Variants in ZNG1F observed in about 807,000 individuals in gnomAD.
ZNG1F encodes the protein zinc-regulated GTPase metalloprotein activator 1F.
At chr9:41,146,253 T>C in the ZNG1F span, among the ~76,000 whole-genome samples, 1 of 133,288 alleles carries the variant, frequency 7.5e-6, no homozygotes, top group African/African-American at 2.9e-5. Context: ...ATTAAATAGC[T>C]ACTTCAAGTG....
chr9:41,154,926 T>C, the ZNG1F span, among the ~76,000 whole-genome samples: 47 of 149,516 alleles, frequency 3.1e-4, no homozygotes, highest in African/African-American at 1.1e-3. Flanking sequence ...GGCATTACCA[T>C]TCAGGACATA....
At chr9:41,149,705 G>T in the ZNG1F span, among the ~76,000 whole-genome samples, 3 of 151,224 alleles carry the variant, frequency 2.0e-5, no homozygotes, top group Admixed American at 6.6e-5. Context: ...TATTCAAGGG[G>T]TATAAAGCTT....
At chr9:41,157,086 G>A in the ZNG1F span, 1 of 112,052 alleles carries the variant, frequency 8.9e-6, no homozygotes, top group East Asian at 2.6e-4. Context: ...ATCACAATTA[G>A]CATTAGGTTT....
chr9:41,193,760 T>C, the ZNG1F span, among the ~76,000 whole-genome samples: 1 of 151,902 alleles, frequency 6.6e-6, no homozygotes, highest in Middle Eastern at 3.4e-3. Context: ...ATTAGCTGGG[T>C]GTGGTGGCAC....
chr9:41,193,515 T>G, the ZNG1F span, among the ~76,000 whole-genome samples: 1 of 149,846 alleles, frequency 6.7e-6, no homozygotes, highest in East Asian at 2.0e-4. Flanking sequence ...TTTCTTCTCC[T>G]GAAGACAGAA....
chr9:41,156,151 G>T, the ZNG1F span, among the ~76,000 whole-genome samples: 1 of 132,508 alleles, frequency 7.5e-6, no homozygotes, highest in African/African-American at 3.1e-5. Flanking sequence ...TTAACGATTA[G>T]CCTCTAAAAT....
the ZNG1F span, among the ~76,000 whole-genome samples, chr9:41,144,589 C>A: frequency 1.4e-5 from 2 of 147,602 alleles, 1 homozygote; most frequent in Admixed American, 1.4e-4. Flanking sequence ...CCTATTACAA[C>A]CAACAGCAAT....
At chr9:41,199,900 A>C in the ZNG1F span, among the ~76,000 whole-genome samples, 4 of 147,480 alleles carry the variant, frequency 2.7e-5, no homozygotes, top group Non-Finnish European at 6.0e-5. Context: ...GGCTCCTTTC[A>C]TTCATGGCTG....
At chr9:41,155,251 A>G in the ZNG1F span, among the ~76,000 whole-genome samples, 1 of 150,684 alleles carries the variant, frequency 6.6e-6, no homozygotes, top group African/African-American at 2.4e-5. Context: ...AACACATGAA[A>G]AAATGCTCAC....
At chr9:41,132,298 G>A in the ZNG1F span, 1 of 1,604,904 alleles carries the variant, frequency 6.2e-7, no homozygotes. Context: ...CCAGATCACA[G>A]AGCTCATGGA....
the ZNG1F span, among the ~76,000 whole-genome samples, chr9:41,139,257 G>A: frequency 3.5e-4 from 50 of 142,328 alleles, 3 homozygotes; most frequent in Non-Finnish European, 5.2e-4. Context: ...TCTGAATCTA[G>A]CCACCCAGCA....
chr9:41,165,191 A>G, the ZNG1F span: 13 of 1,018,098 alleles, frequency 1.3e-5, 1 homozygote, highest in Non-Finnish European at 1.6e-5. Flanking sequence ...AAATAAATAA[A>G]AACACCTCAT....
At chr9:41,139,703 C>A in the ZNG1F span, among the ~76,000 whole-genome samples, 2 of 151,784 alleles carry the variant, frequency 1.3e-5, no homozygotes, top group South Asian at 2.1e-4. Context: ...GCAGCCAAGA[C>A]ACTAACAACC....
chr9:41,204,279 T>C, the ZNG1F span, among the ~76,000 whole-genome samples: 5 of 149,294 alleles, frequency 3.3e-5, no homozygotes, highest in Admixed American at 6.9e-5. Context: ...AGGCCCCACC[T>C]ATTCCCTATT....
At chr9:41,150,540 ACAG>A in the ZNG1F span, among the ~76,000 whole-genome samples, 1 of 111,194 alleles carries the variant, frequency 9.0e-6, no homozygotes, top group South Asian at 3.5e-4. Flanking sequence ...ACACAAAAAG[ACAG>A]CAGTAACCTC....
At chr9:41,184,861 G>GA in the ZNG1F span, among the ~76,000 whole-genome samples, 2 of 108,554 alleles carry the variant, frequency 1.8e-5, no homozygotes, top group Non-Finnish European at 3.8e-5. Context: ...ATAAGATGAT[G>GA]AAAAAAACAG....
chr9:41,178,561 T>TTTTA, the ZNG1F span, among the ~76,000 whole-genome samples: 2 of 12,908 alleles, frequency 1.5e-4, no homozygotes, highest in Admixed American at 8.1e-4. Context: ...CAGACTTATT[T>TTTTA]TTTATTTATT....
the ZNG1F span, among the ~76,000 whole-genome samples, chr9:41,149,641 G>A: frequency 6.7e-6 from 1 of 149,910 alleles, no homozygotes; most frequent in South Asian, 2.2e-4. Context: ...CCCACAGAAA[G>A]AGTGTAGAAT....
the ZNG1F span, among the ~76,000 whole-genome samples, chr9:41,203,095 A>C: frequency 6.6e-6 from 1 of 152,256 alleles, no homozygotes; most frequent in Non-Finnish European, 1.5e-5. Flanking sequence ...GGGATACTAC[A>C]AGTTGATGTT....
Sources: gnomAD v4.1 joint callset for allele counts (sites outside exome capture counted in the v4.1 genomes callset) on GRCh38, gnomAD v4.1.1 for gene constraint, MANE v1.5 for transcripts, NCBI Gene and HGNC (gene_info 2026-07-23, HGNC 2026-07-21) for gene names.